CDH20: variants seen among roughly 807,000 people sequenced by gnomAD.
The protein encoded by CDH20 is cadherin 20.
Under a neutral mutation model 74.2 loss-of-function variants are expected in CDH20, and 29 were observed. That is an observed-to-expected ratio of 0.39 (90% CI 0.29 to 0.53). CDH20 has a LOEUF of 0.53. CDH20 is among the 20% of genes least tolerant of loss of function. The pLI, the probability that CDH20 is intolerant of heterozygous loss-of-function variation, is 0.69. For synonymous variants in CDH20, 469 were observed against 405.4 expected, an observed-to-expected ratio of 1.16 and a Z score of -1.88; for missense variants, 988 against 1,048.3, an observed-to-expected ratio of 0.94 and a Z score of 0.79.
intron 2 of CDH20, among the ~76,000 whole-genome samples, chr18:61,496,529 C>T (rs13381315): frequency 6.6e-6 from 1 of 152,094 alleles, no homozygotes; most frequent in Non-Finnish European, 1.5e-5. Context: ...AGGCCTCACA[C>T]TCAAGCGTCA....
At chr18:61,414,931 C>G (rs1912636312) in intron 1 of CDH20, among the ~76,000 whole-genome samples, 1 of 152,078 alleles carries the variant, frequency 6.6e-6, no homozygotes, top group Non-Finnish European at 1.5e-5. Flanking sequence ...ATCTCCAGAA[C>G]TTCGTATTTC....
intron 6 of CDH20, among the ~76,000 whole-genome samples, chr18:61,524,463 A>G (rs1912315960): frequency 1.3e-5 from 2 of 152,206 alleles, no homozygotes; most frequent in Admixed American, 1.3e-4. Flanking sequence ...ACCCCACTGA[A>G]ATGAAATTTT....
chr18:61,369,179 A>G (rs1910952741), intron 1 of CDH20, among the ~76,000 whole-genome samples: 1 of 152,082 alleles, frequency 6.6e-6, no homozygotes, highest in African/African-American at 2.4e-5. Flanking sequence ...CAAAGTAGAG[A>G]AGGAAGACTT....
At chr18:61,515,474 G>A (rs1179512725) in intron 6 of CDH20, among the ~76,000 whole-genome samples, 4 of 152,056 alleles carry the variant, frequency 2.6e-5, no homozygotes, top group East Asian at 1.9e-4. Context: ...CGTTGCTCAC[G>A]CTGGGAGCTG....
At chr18:61,419,019 G>C (rs1038199535) in intron 1 of CDH20, among the ~76,000 whole-genome samples, 81 of 152,134 alleles carry the variant, frequency 5.3e-4, no homozygotes, top group East Asian at 1.9e-4. Context: ...ACTGCTGCAT[G>C]GTATTCCATA....
In CDH20 at chr18:61,444,331, C is replaced by A. The variant is rs144872444; in HGVS notation, c.-152-46071C>A. Reference sequence around the variant, plus strand: ...TGTATACATTATTAGACAGATAAAACAATTTTTTAAAAATGTTTCCAGATG... The same window carrying A: ...TGTATACATTATTAGACAGATAAAAAAATTTTTTAAAAATGTTTCCAGATG... On this transcript the variant is annotated intron_variant, in intron 1 of 11. Transcript: ENST00000262717. Among the ~76,000 whole-genome samples the A allele has an allele frequency of 2.6e-4, 39 of 152,164 alleles. No individual in the cohort carries two copies. In the East Asian group the frequency reaches 7.2e-3, roughly 28 times the overall value.
At chr18:61,393,339 C>T (rs1265653714) in intron 1 of CDH20, among the ~76,000 whole-genome samples, 1 of 152,170 alleles carries the variant, frequency 6.6e-6, no homozygotes, top group Non-Finnish European at 1.5e-5. Flanking sequence ...CCACAGTTAT[C>T]AAGTGGCTCC....
At chr18:61,495,123 C>T (rs1170651935) in intron 2 of CDH20, among the ~76,000 whole-genome samples, 5 of 152,174 alleles carry the variant, frequency 3.3e-5, no homozygotes, top group Non-Finnish European at 4.4e-5. Flanking sequence ...CCAAGATGTA[C>T]GTAACTGTGC....
intron 1 of CDH20, among the ~76,000 whole-genome samples, chr18:61,370,066 T>C (rs1461734901): frequency 1.3e-5 from 2 of 152,106 alleles, no homozygotes; most frequent in African/African-American, 2.4e-5. Flanking sequence ...AACTTAAAAA[T>C]AAAAGTTAGA....
chr18:61,419,538 C>T (rs886093356), intron 1 of CDH20, among the ~76,000 whole-genome samples: 3 of 152,194 alleles, frequency 2.0e-5, no homozygotes, highest in Non-Finnish European at 4.4e-5. Flanking sequence ...TACCCACTAG[C>T]AGATTACAAG....
intron 1 of CDH20, among the ~76,000 whole-genome samples, chr18:61,339,038 T>G (rs1334905085): frequency 1.3e-5 from 2 of 152,176 alleles, no homozygotes; most frequent in South Asian, 2.1e-4. Flanking sequence ...GAATGGTTCT[T>G]GTTACTTTGA....
intron 1 of CDH20, among the ~76,000 whole-genome samples, chr18:61,443,303 A>G (rs1341963827): frequency 6.6e-6 from 1 of 152,176 alleles, no homozygotes; most frequent in Admixed American, 6.5e-5. Flanking sequence ...CCCATATAAA[A>G]GGGATAATCA....
rs967077958 is a variant in CDH20 at position 61,377,716 on chromosome 18, T to C, written c.-153+43889T>C. ...GATTAGGGATTCCTACCTCAGCAGCTCATTTGCACATTCTATCATGGGTTT... is the reference window on the plus strand; with the variant it reads ...GATTAGGGATTCCTACCTCAGCAGCCCATTTGCACATTCTATCATGGGTTT... On this transcript the variant is annotated intron_variant, in intron 1 of 11. Transcript: ENST00000262717. Among the ~76,000 whole-genome samples, 6 of 152,080 alleles carry C rather than the reference T, an allele frequency of 3.9e-5. No homozygotes were observed. In the South Asian group the frequency reaches 1.0e-3, roughly 26 times the overall value.
At chr18:61,338,470 C>T (rs1909831873) in intron 1 of CDH20, among the ~76,000 whole-genome samples, 1 of 151,938 alleles carries the variant, frequency 6.6e-6, no homozygotes, top group African/African-American at 2.4e-5. Context: ...TACTCAAGTG[C>T]AATGCAAAAT....
chr18:61,337,482 G>C (rs894912047), intron 1 of CDH20, among the ~76,000 whole-genome samples: 2 of 152,072 alleles, frequency 1.3e-5, no homozygotes, highest in African/African-American at 4.8e-5. Context: ...GACTTAAAAA[G>C]TAAATATTTC....
intron 7 of CDH20, among the ~76,000 whole-genome samples, chr18:61,536,025 T>G (rs1328494678): frequency 6.6e-6 from 1 of 152,204 alleles, no homozygotes; most frequent in Non-Finnish European, 1.5e-5. Context: ...GGTACAAGGC[T>G]TCTTTTCTCA....
chr18:61,483,205 G>A (rs551209668), intron 1 of CDH20, among the ~76,000 whole-genome samples: 45 of 152,188 alleles, frequency 3.0e-4, no homozygotes, highest in Admixed American at 2.6e-3. Flanking sequence ...AGTCAGTCAC[G>A]TGCTAAGCAC....
chr18:61,338,473 T>G (rs898519054), intron 1 of CDH20, among the ~76,000 whole-genome samples: 11 of 152,120 alleles, frequency 7.2e-5, no homozygotes, highest in Non-Finnish European at 1.3e-4. Flanking sequence ...TCAAGTGCAA[T>G]GCAAAATAGA....
intron 1 of CDH20, among the ~76,000 whole-genome samples, chr18:61,394,293 T>C (rs1274732337): frequency 6.6e-6 from 1 of 152,188 alleles, no homozygotes; most frequent in East Asian, 1.9e-4. Context: ...GTTGAGGTTC[T>C]ACCCCGCAAG....
Sources: gnomAD v4.1 joint callset for allele counts (sites outside exome capture counted in the v4.1 genomes callset) on GRCh38, gnomAD v4.1.1 for gene constraint, MANE v1.5 for transcripts, NCBI Gene and HGNC (gene_info 2026-07-23, HGNC 2026-07-21) for gene names.